The following SMOC2 variants were observed in gnomAD, a reference collection of about 807,000 sequenced individuals.
The protein encoded by SMOC2 is SPARC related modular calcium binding 2.
Under a neutral mutation model 61.4 loss-of-function variants are expected in SMOC2, and 39 were observed. The ratio of observed to expected loss-of-function variants is 0.64; its 90% confidence interval spans 0.49 to 0.83. The LOEUF is 0.83. Ranked by LOEUF, SMOC2 falls within the 40% of genes least tolerant of loss-of-function variation. The pLI is 0.00. For synonymous variants in SMOC2, 247 were observed against 239.9 expected (o/e 1.03, Z -0.27); for missense variants, 556 against 592.9 (o/e 0.94, Z 0.65).
chr6:168,585,542 A>G (rs1785027412), intron 7 of SMOC2, among the ~76,000 whole-genome samples: 1 of 152,218 alleles, frequency 6.6e-6, no homozygotes, highest in South Asian at 2.1e-4. Flanking sequence ...GTCATTCGTG[A>G]GTGCATGTTT....
chr6:168,588,120 C>CT (rs369791251), intron 7 of SMOC2, among the ~76,000 whole-genome samples: 3 of 110,358 alleles, frequency 2.7e-5, no homozygotes, highest in South Asian at 3.3e-4. Context: ...CTCCCTCACC[C>CT]TTTTTTTTGT....
chr6:168,616,882 G>A (rs1274178407), intron 9 of SMOC2, among the ~76,000 whole-genome samples: 2 of 152,216 alleles, frequency 1.3e-5, no homozygotes, highest in East Asian at 1.9e-4. Flanking sequence ...CCGAGATGCC[G>A]CTGCACTGCG....
chr6:168,497,029 G>A (rs892641452), intron 1 of SMOC2, among the ~76,000 whole-genome samples: 1 of 152,244 alleles, frequency 6.6e-6, no homozygotes, highest in African/African-American at 2.4e-5. Context: ...GCTAGAGGGG[G>A]CTCTGTGGCC....
At chr6:168,469,762 A>G (rs1781929791) in intron 1 of SMOC2, among the ~76,000 whole-genome samples, 1 of 152,192 alleles carries the variant, frequency 6.6e-6, no homozygotes, top group Non-Finnish European at 1.5e-5. Flanking sequence ...AAGAGGTCCC[A>G]CGTGCAGCCT....
intron 1 of SMOC2, among the ~76,000 whole-genome samples, chr6:168,476,829 T>C (rs1470902154): frequency 6.6e-6 from 1 of 152,142 alleles, no homozygotes; most frequent in South Asian, 2.1e-4. Context: ...TCAAGAGTTA[T>C]CAACACTTCA....
intron 1 of SMOC2, among the ~76,000 whole-genome samples, chr6:168,490,072 T>G (rs1265937155): frequency 1.3e-5 from 2 of 151,206 alleles, no homozygotes; most frequent in South Asian, 4.2e-4. Flanking sequence ...TCACACTGTT[T>G]TAGAATGAAA....
At position 168,592,545 on chromosome 6, in the gene SMOC2, T is replaced by G. The variant is rs374992172; in HGVS notation, c.638-6273T>G. ...CTCACGGGCATCTTTCTAGAGGATC[T>G]CCGAGCTCCTCCTCCTTCCTGAGGC... On this transcript the variant is annotated intron_variant, in intron 7 of 12. Transcript: ENST00000356284. Among the ~76,000 whole-genome samples, 308 of 52,874 alleles carry G rather than the reference T, an allele frequency of 5.8e-3. 30 individuals carry two copies. The highest frequency in any genetic ancestry group is 0.011 in the African/African-American group (164 of 14,636). 34.7% of individuals were successfully genotyped at this position (52,874 alleles called of 152,430 possible). A position where few individuals can be genotyped will look rare whatever the true frequency, so the allele number is the denominator to read the frequency against.
At chr6:168,449,526 T>C (rs1351943419) in intron 1 of SMOC2, among the ~76,000 whole-genome samples, 1 of 152,212 alleles carries the variant, frequency 6.6e-6, no homozygotes, top group Non-Finnish European at 1.5e-5. Flanking sequence ...TTGGTTTTGG[T>C]TGTATATTAA....
chr6:168,510,254 G>A (rs1294572152), intron 2 of SMOC2, among the ~76,000 whole-genome samples, 168 bp downstream of exon 2: 1 of 152,142 alleles, frequency 6.6e-6, no homozygotes, highest in African/African-American at 2.4e-5. Context: ...AATTTTAAGA[G>A]CAGTCTTTTT....
At chr6:168,634,124 A>C (rs573470238) in intron 9 of SMOC2, among the ~76,000 whole-genome samples, 31 of 152,188 alleles carry the variant, frequency 2.0e-4, no homozygotes, top group Non-Finnish European at 3.4e-4. Context: ...TAAATTGCCC[A>C]GTCTTGGGGA....
chr6:168,611,695 A>G (rs1485735650), intron 9 of SMOC2, among the ~76,000 whole-genome samples: 1 of 133,490 alleles, frequency 7.5e-6, no homozygotes, highest in Non-Finnish European at 1.6e-5. Flanking sequence ...TCTGGTTCCC[A>G]TGTCCGGGAC....
intron 7 of SMOC2, among the ~76,000 whole-genome samples, chr6:168,557,732 G>A (rs1167897284): frequency 6.6e-6 from 1 of 152,158 alleles, no homozygotes; most frequent in Non-Finnish European, 1.5e-5. Flanking sequence ...TGGGTCTGAT[G>A]TTGACGTCAC....
intron 8 of SMOC2, among the ~76,000 whole-genome samples, chr6:168,599,989 TCACA>T (rs1263731985): frequency 6.7e-6 from 1 of 149,922 alleles, no homozygotes; most frequent in Non-Finnish European, 1.5e-5. Flanking sequence ...ACACACACAC[TCACA>T]CACAGTCTGT....
At chr6:168,441,531 C>G in intron 1 of SMOC2, 77 bp downstream of exon 1, 1 of 1,391,650 alleles carries the variant, frequency 7.2e-7, no homozygotes, top group Non-Finnish European at 9.3e-7. Flanking sequence ...TCCCCGCGCC[C>G]CGCTCCAGGC....
At chr6:168,490,567 G>T (rs749380103) in intron 1 of SMOC2, among the ~76,000 whole-genome samples, 3 of 152,162 alleles carry the variant, frequency 2.0e-5, no homozygotes, top group Non-Finnish European at 4.4e-5. Context: ...TCAGGATTTA[G>T]CCTTGATAGG....
chr6:168,577,988 T>C (rs1396697481), intron 7 of SMOC2, among the ~76,000 whole-genome samples: 1 of 152,232 alleles, frequency 6.6e-6, no homozygotes, highest in African/African-American at 2.4e-5. Context: ...TGGATTGCAT[T>C]CTGCTTCTAC....
chr6:168,549,209 A>T lies in SMOC2; in HGVS notation c.637+6A>T. 1 of 1,612,892 alleles carries T rather than the reference A, an allele frequency of 6.2e-7. No individual in the cohort carries two copies. The highest frequency in any genetic ancestry group is 2.2e-5 in the East Asian group (1 of 44,874). ...CAAAACCAATAAGAATTCAGGTAAG[A>T]TGCTGCCTGATGTCACTTTGTAAGG... is the stretch of plus-strand genomic sequence containing the variant. On this transcript the variant is annotated splice_donor_region_variant and intron_variant, in intron 7 of 12. Coordinates refer to ENST00000356284, the MANE Select transcript of SMOC2 (RefSeq NM_001166412.2).
chr6:168,595,223 GCTC>G (rs1368026395), intron 7 of SMOC2, among the ~76,000 whole-genome samples: 2 of 111,048 alleles, frequency 1.8e-5, no homozygotes, highest in African/African-American at 7.0e-5. Flanking sequence ...GGATCTCCGA[GCTC>G]CTCCTCCTTC....
intron 2 of SMOC2, among the ~76,000 whole-genome samples, chr6:168,511,097 A>C (rs1782996387): frequency 6.6e-6 from 1 of 152,214 alleles, no homozygotes; most frequent in Admixed American, 6.5e-5. Context: ...ATGCTGGGAC[A>C]TTCTGTTTTC....
Sources: gnomAD v4.1 joint callset for allele counts (sites outside exome capture counted in the v4.1 genomes callset) on GRCh38, gnomAD v4.1.1 for gene constraint, MANE v1.5 for transcripts, NCBI Gene and HGNC (gene_info 2026-07-23, HGNC 2026-07-21) for gene names.